The following CHERP variants were observed in gnomAD, a reference collection of about 807,000 sequenced individuals.
CHERP encodes the protein ERPROT 213-21.
Under a neutral mutation model 113.8 loss-of-function variants are expected in CHERP, and 8 were observed. The ratio of observed to expected loss-of-function variants is 0.07; its 90% CI spans 0.04 to 0.13. The LOEUF (loss-of-function observed/expected upper bound fraction) is 0.13, where lower values mean the gene tolerates loss of function less well. Ranked by LOEUF, CHERP falls within the 10% of genes least tolerant of loss-of-function variation. CHERP has a pLI of 1.00. For missense variants in CHERP, 884 were observed against 1,298.2 expected, an observed-to-expected ratio of 0.68 and a Z score of 4.90; for synonymous variants, 559 against 524.5, an observed-to-expected ratio of 1.07 and a Z score of -0.90.
At chr19:16,522,450 G>A (rs7251014) in intron 11 of CHERP, among the ~76,000 whole-genome samples, 7,905 of 152,196 alleles carry the variant, frequency 0.052, 298 homozygotes, top group Admixed American at 0.11. Context: ...TAATAGAGAC[G>A]GGGTTTCACC....
rs770877734 is a variant in CHERP at position 16,528,182 on chromosome 19, T to G, written c.1203A>C (p.Ala401=). The change falls in exon 9 of 17, where the codon GCA becomes GCC. Residue 401 remains alanine (A), a synonymous_variant. Coordinates refer to ENST00000546361, the MANE Select transcript of CHERP (RefSeq NM_006387.6). ...GCCCGGGGCCCCGGGGGCCGGCAGC[T>G]GCAGGATCCTGGACCCCTCCTGGAG... is the stretch of plus-strand genomic sequence containing the variant. ...YEAPGGVQDP[A]AAGPRGPGPH... 2 of 1,613,080 alleles carry G rather than the reference T, an allele frequency of 1.2e-6. No individual in the cohort carries two copies. Among genetic ancestry groups the G allele is most frequent in the Admixed American group, 3.3e-5 (2 of 59,900 alleles).
At chr19:16,533,324 G>T (rs1036517596) in intron 3 of CHERP, among the ~76,000 whole-genome samples, 176 bp from the exon 4 acceptor site, 4 of 152,166 alleles carry the variant, frequency 2.6e-5, no homozygotes, top group African/African-American at 4.8e-5. Flanking sequence ...TGTCTCTCAT[G>T]CCTGCCGTGA....
At position 16,533,773 on chromosome 19, in the gene CHERP, AAACAACAAC is replaced by A. The variant is rs36119133; in HGVS notation, c.385-634_385-626del. Reference sequence around the variant, plus strand: ...CAAGACCTTGTCTCTAACAACAACAAAACAACAACAACAACAACAACAAAAAGAAAAGAA... The same window carrying A: ...CAAGACCTTGTCTCTAACAACAACAAAACAACAACAACAAAAAGAAAAGAA... On this transcript the variant is annotated intron_variant, in intron 3 of 16. Transcript: ENST00000546361. Among the ~76,000 whole-genome samples the A allele has an allele frequency of 6.0e-5, 9 of 151,138 alleles. 1 individual carries two copies. In the South Asian group the frequency reaches 1.3e-3, roughly 21 times the overall value.
At position 16,530,595 on chromosome 19, in the gene CHERP, C is replaced by G; in HGVS notation, c.866G>C (p.Gly289Ala). Residue 289 changes from glycine to alanine, a missense_variant, in exon 7 of 17, where the codon GGT (glycine) becomes GCT (alanine). Gly to Ala is a moderately conservative substitution (Grantham distance 60, BLOSUM62 0). Transcript: ENST00000546361. The surrounding 1 kb of genome is among the most constrained non-coding windows in gnomAD (Gnocchi z 4.1). Reference sequence around the variant, plus strand: ...GGCAGGGACACTCACCTGGTACTGACCAAGCCCCAGGGCTGGGCTCTGTAG... The same window carrying G: ...GGCAGGGACACTCACCTGGTACTGAGCAAGCCCCAGGGCTGGGCTCTGTAG... ...QQLQSPALGL[G>A]QYQATLINEY... 1 of 1,613,952 alleles carries G rather than the reference C, an allele frequency of 6.2e-7. No individual in the cohort carries two copies. Among genetic ancestry groups the G allele is most frequent in the Admixed American group, 1.7e-5 (1 of 60,026 alleles).
chr19:16,524,998 C>T (rs533427727), intron 10 of CHERP, among the ~76,000 whole-genome samples: 1 of 152,308 alleles, frequency 6.6e-6, no homozygotes, highest in Non-Finnish European at 1.5e-5. Context: ...CCACCCACGG[C>T]AGGAACCTTT....
Position 16,532,994 on chromosome 19 carries a change from AAG to A in CHERP, c.522+15_522+16del, listed in dbSNP as rs553755354. 1,184 of 1,560,950 alleles carry A rather than the reference AAG, an allele frequency of 7.6e-4. 4 individuals carry two copies. In the Middle Eastern group the frequency reaches 0.012, roughly 15 times the overall value. On this transcript the variant is annotated intron_variant, in intron 4 of 16. Transcript: ENST00000546361. The surrounding 1 kb of genome is among the most constrained non-coding windows in gnomAD (Gnocchi z 4.4). ...GACCAAGGGAAAGCTGGGCTCTGGG[AAG>A]TGCTGGCCCCTCACCGAGATGGCGT...
rs375983357 is a variant in CHERP at position 16,541,861 on chromosome 19, G to A, written c.199+9C>T. 95 of 1,610,428 alleles carry A rather than the reference G, an allele frequency of 5.9e-5. No homozygotes were observed. Among genetic ancestry groups the A allele is most frequent in the Non-Finnish European group, 7.5e-5 (89 of 1,178,966 alleles). On this transcript the variant is annotated intron_variant, in intron 2 of 16. Coordinates refer to ENST00000546361, the MANE Select transcript of CHERP (RefSeq NM_006387.6). Reference sequence around the variant, plus strand: ...CGATGGGACGGCCTGAGTGCCGGAGGGGACTCACGCTGCTGCTGCTCCAGC... The same window carrying A: ...CGATGGGACGGCCTGAGTGCCGGAGAGGACTCACGCTGCTGCTGCTCCAGC...
At chr19:16,536,710 T>A (rs1208397417) in intron 2 of CHERP, among the ~76,000 whole-genome samples, 1 of 152,158 alleles carries the variant, frequency 6.6e-6, no homozygotes, top group Non-Finnish European at 1.5e-5. Context: ...TACCCGTCCC[T>A]CCCCAGCAGC....
rs1458718398 is a variant in CHERP at position 16,523,416 on chromosome 19, T to A, written c.1742-126A>T. 5 of 1,090,146 alleles carry A rather than the reference T, an allele frequency of 4.6e-6. No individual in the cohort carries two copies. Among genetic ancestry groups the A allele is most frequent in the African/African-American group, 1.6e-5 (1 of 60,960 alleles). 67.5% of individuals were successfully genotyped at this position (1,090,146 alleles called of 1,614,324 possible). ...CCCTCCTGGGAGCCTGTCCAGCATC[T>A]TCTCTCACTGCTTAAGACCAGGCAG... On this transcript the variant is annotated intron_variant, in intron 10 of 16. Coordinates refer to ENST00000546361, the MANE Select transcript of CHERP (RefSeq NM_006387.6). The surrounding 1 kb of genome is among the most constrained non-coding windows in gnomAD (Gnocchi z 4.0).
At chr19:16,534,147 G>A (rs992207568) in intron 3 of CHERP, among the ~76,000 whole-genome samples, 1 of 151,290 alleles carries the variant, frequency 6.6e-6, no homozygotes, top group Admixed American at 6.6e-5. Context: ...GCCACTTCCC[G>A]GGTTCAAGCA....
In CHERP at chr19:16,525,150, C is replaced by T; in HGVS notation, c.1741+92G>A. 2 of 1,211,262 alleles carry T rather than the reference C, an allele frequency of 1.7e-6. No individual in the cohort carries two copies. The highest frequency in any genetic ancestry group is 2.2e-6 in the Non-Finnish European group (2 of 916,760). The allele number at this position is 1,211,262 out of a possible 1,614,324, so 75.0% of individuals were successfully genotyped here. The stretch of plus-strand genomic sequence containing the variant: ...GTGTCTGTCACTGTGCACTCAGGAG[C>T]ATGGCAGGGCCACAAGCAGCGCCAC... On this transcript the variant is annotated intron_variant, in intron 10 of 16. Transcript: ENST00000546361. This position sits in a 1 kb window ranked among gnomAD's most constrained non-coding sequence, Gnocchi z 6.5.
chr19:16,530,541 C>T lies in CHERP; in HGVS notation c.876+44G>A, dbSNP rs375303726. 1.4e-5 allele frequency: 23 copies of T among 1,587,002 alleles called. No homozygotes were observed. Among genetic ancestry groups the T allele is most frequent in the African/African-American group, 8.1e-5 (6 of 74,398 alleles). Reference sequence around the variant, plus strand: ...CACTCCCAAACCCTCCTGGGGAACCCGCCCCAGCTCTAGGGTGAGGTGTGG... The same window carrying T: ...CACTCCCAAACCCTCCTGGGGAACCTGCCCCAGCTCTAGGGTGAGGTGTGG... On this transcript the variant is annotated intron_variant, in intron 7 of 16. Coordinates refer to ENST00000546361, the MANE Select transcript of CHERP (RefSeq NM_006387.6). The surrounding 1 kb of genome is among the most constrained non-coding windows in gnomAD (Gnocchi z 4.1).
In CHERP at chr19:16,519,825, G is replaced by T; in HGVS notation, c.2463-110C>A. 1.0e-6 allele frequency: 1 copy of T among 957,562 alleles called. No individual in the cohort carries two copies. Among genetic ancestry groups the T allele is most frequent in the Non-Finnish European group, 1.7e-6 (1 of 589,358 alleles). 59.3% of individuals were successfully genotyped at this position (957,562 alleles called of 1,614,324 possible). A position where few individuals can be genotyped will look rare whatever the true frequency, so the allele number is the denominator to read the frequency against. ...TTGCGTGCATGCTCACTGTCACCAG[G>T]TGACACCGTATGCAGATTTTGCGTC... is the stretch of plus-strand genomic sequence containing the variant. On this transcript the variant is annotated intron_variant, in intron 15 of 16. Transcript: ENST00000546361. This position sits in a 1 kb window ranked among gnomAD's most constrained non-coding sequence, Gnocchi z 6.0.
In CHERP at chr19:16,520,416, A is replaced by T; in HGVS notation, c.2293T>A (p.Ser765Thr). ...SRSSKSSGSY[S>T]RSRSRSCSRS... ...GAGCAGGAGCGCGACCTTGACCTTG[A>T]GTACGAGCCTGAAGACTTGGAGGAT... The change falls in exon 14 of 17, where the codon TCA becomes ACA. Residue 765 changes from serine to threonine, a missense_variant. Ser to Thr is a moderately conservative substitution (Grantham distance 58). Transcript: ENST00000546361. The surrounding 1 kb of genome is among the most constrained non-coding windows in gnomAD (Gnocchi z 4.0). 3 of 1,614,116 alleles carry T rather than the reference A, an allele frequency of 1.9e-6. No homozygotes were observed. Among genetic ancestry groups the T allele is most frequent in the Non-Finnish European group, 2.5e-6 (3 of 1,180,016 alleles).
At chr19:16,524,751 AAAG>A (rs1247198751) in intron 10 of CHERP, among the ~76,000 whole-genome samples, 1 of 151,918 alleles carries the variant, frequency 6.6e-6, no homozygotes, top group African/African-American at 2.4e-5. Context: ...TTTTTTTAAA[AAAG>A]AAAAGTAGTT....
Position 16,518,906 on chromosome 19 carries a change from AGGAAAACGAGCCT to A in CHERP, c.*240_*252del. 2 of 536,260 alleles carry A rather than the reference AGGAAAACGAGCCT, an allele frequency of 3.7e-6. No individual in the cohort carries two copies. The highest frequency in any genetic ancestry group is 3.3e-6 in the Non-Finnish European group (1 of 305,690). 33.2% of individuals were successfully genotyped at this position (536,260 alleles called of 1,614,324 possible). On this transcript the variant is annotated 3_prime_UTR_variant, in exon 17 of 17. Transcript: ENST00000546361. The stretch of plus-strand genomic sequence containing the variant: ...TCTTGTGTTTTTTGCTTCGCTATAA[AGGAAAACGAGCCT>A]GGGGCCCTGGTGGCTGCAGCGCCTC...
chr19:16,519,101 C>A lies in CHERP; in HGVS notation c.*58G>T, dbSNP rs118156403. ...ACTGCAATCTTCCTCTGCCAGTCAG[C>A]CAGGAAGGTCCCACAGCCGGCACCG... On this transcript the variant is annotated 3_prime_UTR_variant, in exon 17 of 17. Transcript: ENST00000546361. This position sits in a 1 kb window ranked among gnomAD's most constrained non-coding sequence, Gnocchi z 6.0. 8,994 of 1,483,060 alleles carry A rather than the reference C, an allele frequency of 6.1e-3. 43 individuals are homozygous for A. Among genetic ancestry groups the A allele is most frequent in the Non-Finnish European group, 7.7e-3 (8,348 of 1,084,202 alleles). 91.9% of individuals were successfully genotyped at this position (1,483,060 alleles called of 1,614,324 possible). A position where few individuals can be genotyped will look rare whatever the true frequency, so the allele number is the denominator to read the frequency against.
intron 10 of CHERP, among the ~76,000 whole-genome samples, chr19:16,524,981 G>A (rs564621792): frequency 5.9e-5 from 9 of 152,190 alleles, no homozygotes; most frequent in East Asian, 1.9e-4. Context: ...CCCTGCCCTC[G>A]CCACGCCCAC....
rs777596897 is a variant in CHERP at position 16,532,611 on chromosome 19, C to T, written c.661G>A (p.Val221Met). The T allele has an allele frequency of 2.5e-6, 4 of 1,605,214 alleles. No homozygotes were observed. The highest frequency in any genetic ancestry group is 1.7e-4 in the Middle Eastern group (1 of 6,044). Reference protein sequence around the residue: ...RLHLIYLINDVLHHCQRKQAR... With the variant: ...RLHLIYLINDMLHHCQRKQAR... ...GGCGGCGCTCACCAGTGGTGCAGCA[C>T]GTCATTGATCAGGTAGATGAGGTGC... Residue 221 changes from valine to methionine, a missense_variant, in exon 5 of 17, where the codon GTG becomes ATG. Physicochemically the swap from Val to Met is conservative, Grantham distance 21 (BLOSUM62 1). This residue lies in a region of CHERP where 73 missense variants were observed against 182.4 expected (regional missense o/e 0.40). Transcript: ENST00000546361. This position sits in a 1 kb window ranked among gnomAD's most constrained non-coding sequence, Gnocchi z 4.4.
Sources: allele counts gnomAD v4.1 joint callset (sites outside exome capture counted in the v4.1 genomes callset), GRCh38; gene constraint gnomAD v4.1.1; regional missense constraint gnomAD v4.1.1; non-coding constraint Gnocchi (gnomAD v3.1); transcripts MANE v1.5; gene names NCBI Gene and HGNC (gene_info 2026-07-23, HGNC 2026-07-21).